The following NF2 variants were observed in gnomAD, a reference collection of about 807,000 sequenced individuals.
NF2 encodes NF2, moesin-ezrin-radixin like (MERLIN) tumor suppressor, also known as merlin.
In NF2, 8 loss-of-function variants were observed where a neutral mutation model predicts 83.7. The ratio of observed to expected loss-of-function variants is 0.10; its 90% confidence interval spans 0.06 to 0.17. NF2 has a LOEUF of 0.17. NF2 is among the 10% of genes least tolerant of loss of function. The probability of loss-of-function intolerance (pLI) is 1.00; values close to 1 mark genes in which losing one functional copy is unlikely to be tolerated. For synonymous variants in NF2, 266 were observed against 269.6 expected (o/e 0.99, Z 0.13); for missense variants, 533 against 744.4 (o/e 0.72, Z 3.31).
chr22:29,604,523 AAAAC>A (rs1295995022), intron 1 of NF2, among the ~76,000 whole-genome samples: 1 of 152,224 alleles, frequency 6.6e-6, no homozygotes, highest in Non-Finnish European at 1.5e-5. Flanking sequence ...TCTGGGAAAA[AAAAC>A]CCTTTGAAGA....
In NF2 at chr22:29,696,823, T is replaced by TC. The variant is rs2067564849; in HGVS notation, c.*2021_*2022insC. 1.0e-5 allele frequency: 1 copy of TC among 100,030 alleles called. No homozygotes were observed. The highest frequency in any genetic ancestry group is 1.1e-4 in the African/African-American group (1 of 9,176). The allele number at this position is 100,030 out of a possible 1,614,324, so 6.2% of individuals were successfully genotyped here. Reference sequence around the variant, plus strand: ...TTTTTTTTTTTTCTGTTTCTGTTTCTGTTTTTTTTTTGAGATGGAGTCTCG... The same window carrying TC: ...TTTTTTTTTTTTCTGTTTCTGTTTCTCGTTTTTTTTTTGAGATGGAGTCTCG... On this transcript the variant is annotated 3_prime_UTR_variant, in exon 16 of 16. Transcript: ENST00000338641.
chr22:29,624,507 C>T (rs531459502), intron 1 of NF2, among the ~76,000 whole-genome samples: 4 of 152,262 alleles, frequency 2.6e-5, no homozygotes, highest in African/African-American at 9.6e-5. Flanking sequence ...CGTGCCTGGC[C>T]AGGGTTGTTT....
intron 7 of NF2, among the ~76,000 whole-genome samples, chr22:29,659,466 A>G (rs570503731): frequency 3.5e-4 from 53 of 152,264 alleles, no homozygotes; most frequent in African/African-American, 1.2e-3. Context: ...GCCTGGCTGA[A>G]AAGGTTTCTT....
intron 1 of NF2, among the ~76,000 whole-genome samples, chr22:29,619,746 A>G (rs1215974791): frequency 6.6e-6 from 1 of 152,100 alleles, no homozygotes; most frequent in Non-Finnish European, 1.5e-5. Context: ...GCCACTACTC[A>G]GGTCTAGGAC....
At chr22:29,640,768 C>T (rs1485656649) in intron 3 of NF2, among the ~76,000 whole-genome samples, 2 of 149,828 alleles carry the variant, frequency 1.3e-5, no homozygotes, top group African/African-American at 2.5e-5. Context: ...GTCTGGGGGG[C>T]GTGTGTGTGT....
At chr22:29,644,752 C>T (rs1397690146) in intron 4 of NF2, among the ~76,000 whole-genome samples, 9 of 152,238 alleles carry the variant, frequency 5.9e-5, no homozygotes, top group Non-Finnish European at 1.0e-4. Context: ...AACCCCGTCT[C>T]CACCAAAAAA....
chr22:29,683,537 G>A (rs2067201566), intron 15 of NF2: 1 of 1,118,130 alleles, frequency 8.9e-7, no homozygotes, highest in Non-Finnish European at 1.1e-6. Context: ...CTGGTAGTGG[G>A]GCAAAAGGGT....
rs113267526 is a variant in NF2 at position 29,613,766 on chromosome 22, C to CTT, written c.114+9664_114+9665dup. Reference sequence around the variant, plus strand: ...GGAATAGTCCTTTCTTTTCTTTTTTCTTTTTTTTTTTGAGATGGAGTCTCG... The same window carrying CTT: ...GGAATAGTCCTTTCTTTTCTTTTTTCTTTTTTTTTTTTTGAGATGGAGTCTCG... On this transcript the variant is annotated intron_variant, in intron 1 of 15. Transcript: ENST00000338641. Among the ~76,000 whole-genome samples, 11 of 145,106 alleles carry CTT rather than the reference C, an allele frequency of 7.6e-5. No homozygotes were observed. In the East Asian group the frequency reaches 1.0e-3, roughly 14 times the overall value.
chr22:29,617,209 G>C (rs2146738713), intron 1 of NF2, among the ~76,000 whole-genome samples: 1 of 152,286 alleles, frequency 6.6e-6, no homozygotes, highest in South Asian at 2.1e-4. Context: ...GATTACAGGT[G>C]TGAACCACTG....
chr22:29,649,226 C>T (rs1300089581), intron 4 of NF2, among the ~76,000 whole-genome samples: 1 of 151,826 alleles, frequency 6.6e-6, no homozygotes, highest in Non-Finnish European at 1.5e-5. Flanking sequence ...ACAGGCAAAT[C>T]CATAGAGACA....
intron 9 of NF2, among the ~76,000 whole-genome samples, chr22:29,666,565 C>T (rs548350523): frequency 2.2e-4 from 33 of 152,154 alleles, no homozygotes; most frequent in African/African-American, 6.0e-4. Context: ...CCTGTAATCT[C>T]AGCACTTGGA....
At chr22:29,661,521 A>C (rs931767158) in intron 8 of NF2, among the ~76,000 whole-genome samples, 182 bp downstream of exon 8, 1 of 152,238 alleles carries the variant, frequency 6.6e-6, no homozygotes, top group South Asian at 2.1e-4. Flanking sequence ...CAATAACCCC[A>C]CTATGACTAA....
intron 6 of NF2, among the ~76,000 whole-genome samples, chr22:29,656,407 CTTTTTTTTTTTTT>C (rs59440855): frequency 1.2e-5 from 1 of 81,706 alleles, no homozygotes; most frequent in Admixed American, 1.6e-4. Context: ...GGGATATATT[CTTTTTTTTTTTTT>C]TTTTTTTTTT....
chr22:29,665,459 G>T (rs2066594625), intron 9 of NF2, among the ~76,000 whole-genome samples: 1 of 152,090 alleles, frequency 6.6e-6, no homozygotes, highest in African/African-American at 2.4e-5. Flanking sequence ...GGTAAGGCTG[G>T]TCTCGAACTC....
In NF2 at chr22:29,636,818, T is replaced by C. The variant is rs1286915234; in HGVS notation, c.182T>C (p.Phe61Ser). 9 of 1,614,024 alleles carry C rather than the reference T, an allele frequency of 5.6e-6. No homozygotes were observed. The highest frequency in any genetic ancestry group is 3.3e-5 in the Admixed American group (2 of 59,996). The change falls in exon 2 of 16, where the codon TTC (phenylalanine) becomes TCC (serine). Residue 61 changes from phenylalanine to serine, a missense_variant. Around this residue, in one of 3 missense-constraint regions of NF2, gnomAD observed 326 missense variants for 475.1 expected, o/e 0.69. Transcript: ENST00000338641. This position sits in a 1 kb window ranked among gnomAD's most constrained non-coding sequence, Gnocchi z 4.4. Reference protein sequence around the residue: ...CRTLGLRETWFFGLQYTIKDT... With the variant: ...CRTLGLRETWSFGLQYTIKDT... The stretch of plus-strand genomic sequence containing the variant: ...ACTCTGGGGCTCCGAGAAACCTGGT[T>C]CTTTGGACTGCAGTACACAATCAAG...
At chr22:29,618,883 T>G (rs1351665099) in intron 1 of NF2, among the ~76,000 whole-genome samples, 2 of 152,184 alleles carry the variant, frequency 1.3e-5, no homozygotes, top group Non-Finnish European at 2.9e-5. Context: ...AGAACAATTC[T>G]GGCATTTTCA....
At chr22:29,645,866 C>G (rs1001334634) in intron 4 of NF2, among the ~76,000 whole-genome samples, 2 of 152,152 alleles carry the variant, frequency 1.3e-5, no homozygotes. Context: ...GATTCACAGA[C>G]GACATATGTG....
intron 5 of NF2, 71 bp from the exon 6 acceptor site, chr22:29,655,523 T>C: frequency 8.9e-7 from 1 of 1,121,026 alleles, no homozygotes; most frequent in East Asian, 2.3e-5. Context: ...TGATGCATAA[T>C]TATAAAAGTG....
chr22:29,696,855 C>T lies in NF2; in HGVS notation c.*2053C>T, dbSNP rs193146795. ...TTTTTGAGATGGAGTCTCGCTCTGT[C>T]GCCCAGGCTGGAGTGCAGTGTCACG... On this transcript the variant is annotated 3_prime_UTR_variant, in exon 16 of 16. Transcript: ENST00000338641. The T allele has an allele frequency of 1.5e-4, 25 of 162,970 alleles. No individual in the cohort carries two copies. The East Asian group carries it at 2.0e-3, about 13-fold the overall frequency. The allele number at this position is 162,970 out of a possible 1,614,324, so 10.1% of individuals were successfully genotyped here. A position where few individuals can be genotyped will look rare whatever the true frequency, so the allele number is the denominator to read the frequency against.
Sources: gnomAD v4.1 joint callset for allele counts (sites outside exome capture counted in the v4.1 genomes callset) on GRCh38, gnomAD v4.1.1 for gene constraint, gnomAD v4.1.1 regional missense constraint, Gnocchi (gnomAD v3.1) non-coding constraint, MANE v1.5 for transcripts, NCBI Gene and HGNC (gene_info 2026-07-23, HGNC 2026-07-21) for gene names.